The following LDLRAD4 variants were observed in gnomAD, a reference collection of about 807,000 sequenced individuals.
LDLRAD4 encodes the protein low density lipoprotein receptor class A domain containing 4, also known as low-density lipoprotein receptor class A domain-containing protein 4.
Under a neutral mutation model 17.0 loss-of-function variants are expected in LDLRAD4, and 5 were observed. The observed-to-expected ratio is 0.29, with a 90% CI of 0.15 to 0.62. The LOEUF is 0.62. LDLRAD4 is among the 20% of genes least tolerant of loss of function. The pLI is 0.84. For missense variants in LDLRAD4, 340 were observed against 424.7 expected (o/e 0.80, Z 1.75); for synonymous variants, 168 against 171.8 (o/e 0.98, Z 0.17).
In LDLRAD4 at chr18:13,481,612, A is replaced by C. The variant is rs554206415; in HGVS notation, c.181+43228A>C. ...TCTCCACCCCCTCCCCACCGCACGCACCTCTTCTGGGGCAGCAGTGTTCTC... is the reference window on the plus strand; with the variant it reads ...TCTCCACCCCCTCCCCACCGCACGCCCCTCTTCTGGGGCAGCAGTGTTCTC... On this transcript the variant is annotated intron_variant, in intron 3 of 5. Coordinates refer to ENST00000359446, the Ensembl canonical transcript of LDLRAD4. Among the ~76,000 whole-genome samples the C allele has an allele frequency of 4.0e-5, 6 of 150,918 alleles. No individual in the cohort carries two copies. In the East Asian group the frequency reaches 1.2e-3, roughly 29 times the overall value.
rs532560461 is a variant in LDLRAD4 at position 13,544,676 on chromosome 18, T to A, written c.182-76441T>A. Among the ~76,000 whole-genome samples the A allele has an allele frequency of 5.7e-4, 87 of 152,260 alleles. 1 individual carries two copies. The South Asian group carries it at 0.015, about 26-fold the overall frequency. On this transcript the variant is annotated intron_variant, in intron 3 of 5. Coordinates refer to ENST00000359446, the Ensembl canonical transcript of LDLRAD4. Reference sequence around the variant, plus strand: ...GCTAGAATGGAGGACAACTTACAGGTAGACCTAACTGCAACCTGTTGACAG... The same window carrying A: ...GCTAGAATGGAGGACAACTTACAGGAAGACCTAACTGCAACCTGTTGACAG...
At chr18:13,630,055 C>G (rs753538159) in intron 4 of LDLRAD4, among the ~76,000 whole-genome samples, 1 of 151,802 alleles carries the variant, frequency 6.6e-6, no homozygotes, top group African/African-American at 2.4e-5. Flanking sequence ...CAGGCTGATT[C>G]CTCTTGAAGT....
intron 1 of LDLRAD4, among the ~76,000 whole-genome samples, chr18:13,251,584 G>A (rs1274179221): frequency 6.6e-6 from 1 of 152,098 alleles, no homozygotes; most frequent in Non-Finnish European, 1.5e-5. Context: ...AAACAACTAG[G>A]TGAAAAAGAA....
chr18:13,581,355 T>G (rs1390925850), intron 3 of LDLRAD4, among the ~76,000 whole-genome samples: 1 of 152,224 alleles, frequency 6.6e-6, no homozygotes, highest in Non-Finnish European at 1.5e-5. Flanking sequence ...TTTCTTATCC[T>G]GCAGTCTATG....
At chr18:13,291,797 G>A (rs1186447823) in intron 1 of LDLRAD4, among the ~76,000 whole-genome samples, 3 of 152,222 alleles carry the variant, frequency 2.0e-5, no homozygotes, top group African/African-American at 4.8e-5. Context: ...ATTCTTGAGC[G>A]TACAATTTTT....
At chr18:13,252,184 G>T (rs1437870846) in intron 1 of LDLRAD4, among the ~76,000 whole-genome samples, 1 of 152,196 alleles carries the variant, frequency 6.6e-6, no homozygotes, top group Admixed American at 6.5e-5. Flanking sequence ...GAGTGCAATG[G>T]TGCAATCTCG....
intron 3 of LDLRAD4, among the ~76,000 whole-genome samples, chr18:13,448,722 G>A (rs916679707): frequency 8.6e-5 from 13 of 152,026 alleles, no homozygotes; most frequent in East Asian, 1.9e-4. Context: ...GTGCTTTGTC[G>A]CTTGGTTTGA....
upstream of LDLRAD4, among the ~76,000 whole-genome samples, chr18:13,273,781 C>T (rs796866071): frequency 4.4e-4 from 67 of 152,358 alleles, no homozygotes; most frequent in African/African-American, 1.5e-3. Context: ...TGCTTCCCTT[C>T]AGGGTTTTCC....
chr18:13,497,754 G>A (rs896724863), intron 3 of LDLRAD4, among the ~76,000 whole-genome samples: 1 of 152,230 alleles, frequency 6.6e-6, no homozygotes, highest in African/African-American at 2.4e-5. Context: ...ACTTCTGAAA[G>A]CCAAAGCTAC....
At chr18:13,432,357 C>T (rs1282149882) in intron 2 of LDLRAD4, among the ~76,000 whole-genome samples, 1 of 152,236 alleles carries the variant, frequency 6.6e-6, no homozygotes, top group Non-Finnish European at 1.5e-5. Context: ...ATTTCAACCT[C>T]CCTGAAGGCT....
intron 3 of LDLRAD4, among the ~76,000 whole-genome samples, chr18:13,467,233 T>C (rs2092647839): frequency 6.6e-6 from 1 of 152,224 alleles, no homozygotes; most frequent in Non-Finnish European, 1.5e-5. Flanking sequence ...GACATGATCT[T>C]ATGTATAGAG....
At chr18:13,339,257 CTGGAGGGACG>C (rs2082254009) in intron 1 of LDLRAD4, among the ~76,000 whole-genome samples, 1 of 150,066 alleles carries the variant, frequency 6.7e-6, no homozygotes, top group African/African-American at 2.5e-5. Flanking sequence ...GTTGCCCAGG[CTGGAGGGACG>C]TGGTGGGATC....
At chr18:13,318,011 A>C (rs1238904668) in intron 1 of LDLRAD4, among the ~76,000 whole-genome samples, 1 of 152,126 alleles carries the variant, frequency 6.6e-6, no homozygotes, top group African/African-American at 2.4e-5. Context: ...TCTCTGTGTC[A>C]TCTGGAATAG....
chr18:13,438,540 G>T (rs1297953355), intron 3 of LDLRAD4, among the ~76,000 whole-genome samples, 156 bp downstream of exon 4: 1 of 152,210 alleles, frequency 6.6e-6, no homozygotes, highest in Non-Finnish European at 1.5e-5. Flanking sequence ...TAGGATAGAG[G>T]GACAGCATGT....
intron 1 of LDLRAD4, among the ~76,000 whole-genome samples, chr18:13,322,609 T>C (rs2081317480): frequency 6.7e-6 from 1 of 149,390 alleles, no homozygotes; most frequent in Non-Finnish European, 1.5e-5. Flanking sequence ...CTGTCATCCA[T>C]GTTTCTTTTC....
chr18:13,399,978 C>A (rs1473087107), intron 2 of LDLRAD4, among the ~76,000 whole-genome samples: 1 of 152,204 alleles, frequency 6.6e-6, no homozygotes, highest in Admixed American at 6.5e-5. Context: ...AGAATTTAAA[C>A]AAACATGTCG....
intron 2 of LDLRAD4, among the ~76,000 whole-genome samples, chr18:13,412,886 T>G (rs2088510578): frequency 6.6e-6 from 1 of 152,212 alleles, no homozygotes; most frequent in Non-Finnish European, 1.5e-5. Flanking sequence ...TTCTCAAATT[T>G]TTATTGATCT....
intron 3 of LDLRAD4, among the ~76,000 whole-genome samples, chr18:13,547,422 C>T (rs940003931): frequency 1.1e-4 from 17 of 152,218 alleles, no homozygotes; most frequent in African/African-American, 1.9e-4. Flanking sequence ...TTGCTTCACC[C>T]GCTGGAAACC....
intron 3 of LDLRAD4, among the ~76,000 whole-genome samples, chr18:13,468,533 A>G (rs889700205): frequency 6.6e-6 from 1 of 152,188 alleles, no homozygotes; most frequent in Non-Finnish European, 1.5e-5. Flanking sequence ...TCATGCTGCT[A>G]TAAAGACACA....
Sources: allele counts gnomAD v4.1 joint callset (sites outside exome capture counted in the v4.1 genomes callset), GRCh38; gene constraint gnomAD v4.1.1; transcripts MANE v1.5; gene names NCBI Gene and HGNC (gene_info 2026-07-23, HGNC 2026-07-21).